Variants in RHOT1 observed in about 807,000 individuals in gnomAD.
The protein encoded by RHOT1 is mitochondrial Rho GTPase 1.
RHOT1 carries 27 observed loss-of-function variants against 95.3 expected under a neutral mutation model. The observed-to-expected ratio is 0.28, with a 90% CI of 0.21 to 0.39. RHOT1 has a LOEUF of 0.39. Ranked by LOEUF, RHOT1 falls within the 10% of genes least tolerant of loss-of-function variation. The pLI is 1.00. For synonymous variants in RHOT1, 227 were observed against 263.5 expected (o/e 0.86, Z 1.34); for missense variants, 578 against 786.7 (o/e 0.73, Z 3.17).
In RHOT1 at chr17:32,203,905, C is replaced by G. The variant is rs762102262; in HGVS notation, c.1348C>G (p.Arg450Gly). The G allele has an allele frequency of 8.9e-5, 143 of 1,612,294 alleles. No homozygotes were observed. The highest frequency in any genetic ancestry group is 1.2e-4 in the Non-Finnish European group (140 of 1,179,116). The change falls in exon 16 of 20, where the codon CGT becomes GGT. Residue 450 changes from arginine to glycine, a missense_variant. Arg to Gly is a moderately radical substitution (Grantham distance 125). This residue lies in a region of RHOT1 where 296 missense variants were observed against 338.5 expected (regional missense o/e 0.87). Transcript: ENST00000545287. ...GRNLMRQKKI[R>G]EDHKSYYAIN... ...CTGTTTTCAGAGGCAGAAGAAAATT[C>G]GTGAAGATCATAAATCCTACTATGC... is the stretch of plus-strand genomic sequence containing the variant.
intron 1 of RHOT1, among the ~76,000 whole-genome samples, chr17:32,168,577 A>G (rs1431637033): frequency 6.6e-6 from 1 of 150,674 alleles, no homozygotes; most frequent in Admixed American, 6.6e-5. Context: ...CCAGACATAT[A>G]TATATACACA....
intron 11 of RHOT1, among the ~76,000 whole-genome samples, chr17:32,194,530 G>C (rs2036723318): frequency 2.6e-5 from 4 of 152,142 alleles, no homozygotes; most frequent in Admixed American, 2.6e-4. Context: ...TTGAGAAATT[G>C]CCGAATGTAC....
At chr17:32,149,623 A>ATGTGTGTGTG (rs1304218827) in intron 1 of RHOT1, among the ~76,000 whole-genome samples, 66 of 86,164 alleles carry the variant, frequency 7.7e-4, no homozygotes, top group African/African-American at 3.1e-3. Context: ...ATATATATAT[A>ATGTGTGTGTG]TATATATATA....
intron 3 of RHOT1, 92 bp downstream of exon 3, chr17:32,174,004 G>A: frequency 3.3e-6 from 3 of 906,456 alleles, no homozygotes; most frequent in Non-Finnish European, 5.3e-6. Context: ...GTTCAGAGAG[G>A]TGGTCTTTTC....
At chr17:32,188,364 T>G (rs1230125944) in intron 8 of RHOT1, among the ~76,000 whole-genome samples, 1 of 152,356 alleles carries the variant, frequency 6.6e-6, no homozygotes, top group Admixed American at 6.5e-5. Context: ...AACCTTCAAT[T>G]GGAATTGATT....
intron 19 of RHOT1, among the ~76,000 whole-genome samples, chr17:32,211,751 A>G (rs940855866): frequency 1.3e-5 from 2 of 152,198 alleles, no homozygotes; most frequent in Non-Finnish European, 2.9e-5. Flanking sequence ...TGTTTATTTG[A>G]AAGAACATGG....
At chr17:32,151,211 T>G (rs2032248780) in intron 1 of RHOT1, 6 of 752,996 alleles carry the variant, frequency 8.0e-6, no homozygotes, top group Non-Finnish European at 1.5e-5. Flanking sequence ...GAACATGGTC[T>G]GGCTAAACAG....
intron 18 of RHOT1, 26 bp downstream of exon 18, chr17:32,208,335 A>G (rs941705560): frequency 6.3e-7 from 1 of 1,589,078 alleles, no homozygotes; most frequent in Non-Finnish European, 8.6e-7. Context: ...CTTCATTTTC[A>G]TGTTGCATGG....
intron 8 of RHOT1, among the ~76,000 whole-genome samples, chr17:32,187,913 T>C (rs990080219): frequency 5.9e-5 from 9 of 152,248 alleles, no homozygotes; most frequent in Non-Finnish European, 8.8e-5. Flanking sequence ...TATTTTGTGA[T>C]AGGTGAAAAT....
Position 32,149,736 on chromosome 17 carries a change from T to TACAC in RHOT1, c.37+7021_37+7024dup, listed in dbSNP as rs113295992. Among the ~76,000 whole-genome samples the TACAC allele has an allele frequency of 2.8e-5, 4 of 144,336 alleles. No individual in the cohort carries two copies. The East Asian group carries it at 8.0e-4, about 29-fold the overall frequency. 94.7% of individuals were successfully genotyped at this position (144,336 alleles called of 152,430 possible). A position where few individuals can be genotyped will look rare whatever the true frequency, so the allele number is the denominator to read the frequency against. On this transcript the variant is annotated intron_variant, in intron 1 of 19. Transcript: ENST00000545287. ...ATACACATATATATACACATATATA[T>TACAC]ACACACACACACACACATATATATA...
chr17:32,154,563 G>T (rs1395346842), intron 1 of RHOT1, among the ~76,000 whole-genome samples: 6 of 147,400 alleles, frequency 4.1e-5, no homozygotes, highest in Non-Finnish European at 7.5e-5. Context: ...CTCCAGCCTG[G>T]GCGACAGAGC....
chr17:32,165,153 C>T (rs1002215670), intron 1 of RHOT1, among the ~76,000 whole-genome samples: 6 of 152,042 alleles, frequency 3.9e-5, no homozygotes, highest in African/African-American at 9.7e-5. Context: ...CTGGCTAACA[C>T]GGTGAAACCC....
intron 1 of RHOT1, among the ~76,000 whole-genome samples, chr17:32,158,617 G>A (rs1004031741): frequency 2.6e-5 from 4 of 151,862 alleles, no homozygotes; most frequent in Non-Finnish European, 5.9e-5. Context: ...ATGCCACCAC[G>A]CCCGGCTAAT....
chr17:32,161,757 G>A (rs1256334547), intron 1 of RHOT1, among the ~76,000 whole-genome samples: 1 of 152,172 alleles, frequency 6.6e-6, no homozygotes, highest in Admixed American at 6.5e-5. Flanking sequence ...TAAAGAGCAA[G>A]GTTTCCAACA....
In RHOT1 at chr17:32,142,694, TGAA is replaced by T. The variant is rs2030528054; in HGVS notation, c.6_8del (p.Lys3?). The T allele has an allele frequency of 6.5e-7, 1 of 1,530,002 alleles. No individual in the cohort carries two copies. The highest frequency in any genetic ancestry group is 2.1e-5 in the Admixed American group (1 of 48,570). 94.8% of individuals were successfully genotyped at this position (1,530,002 alleles called of 1,614,324 possible). ...GGCCGGCCCCCGAGAGCCGCCGACA[TGAA>T]GAAAGACGTGCGGATCCTGCTGGTG... On this transcript the variant is annotated start_lost and inframe_deletion, in exon 1 of 20. Transcript: ENST00000545287.
At chr17:32,192,331 T>A in intron 9 of RHOT1, 32 bp downstream of exon 9, 28 of 813,546 alleles carry the variant, frequency 3.4e-5, no homozygotes, top group Non-Finnish European at 5.2e-5. Context: ...CATTTGCGTA[T>A]CTTTTTTTTT....
chr17:32,161,406 G>A (rs182309755), intron 1 of RHOT1, among the ~76,000 whole-genome samples: 2 of 152,270 alleles, frequency 1.3e-5, no homozygotes, highest in East Asian at 3.9e-4. Context: ...CTCTATTATC[G>A]TGATGTTATC....
chr17:32,167,245 A>G (rs959748582), intron 1 of RHOT1, among the ~76,000 whole-genome samples: 9 of 152,136 alleles, frequency 5.9e-5, no homozygotes, highest in Non-Finnish European at 1.3e-4. Context: ...AAAATATTCA[A>G]TAAACCATTC....
intron 11 of RHOT1, among the ~76,000 whole-genome samples, chr17:32,195,982 C>CA (rs1206393995): frequency 4.6e-5 from 7 of 152,020 alleles, no homozygotes; most frequent in Non-Finnish European, 8.8e-5. Flanking sequence ...TTACACTAAT[C>CA]ACCTCTTTCA....
Sources: gnomAD v4.1 joint callset for allele counts (sites outside exome capture counted in the v4.1 genomes callset) on GRCh38, gnomAD v4.1.1 for gene constraint, gnomAD v4.1.1 regional missense constraint, MANE v1.5 for transcripts, NCBI Gene and HGNC (gene_info 2026-07-23, HGNC 2026-07-21) for gene names.